The following COP1 variants were observed in gnomAD, a reference collection of about 807,000 sequenced individuals.
The protein encoded by COP1 is COP1 E3 ubiquitin ligase.
Under a neutral mutation model 101.3 loss-of-function variants are expected in COP1, and 24 were observed. The observed-to-expected ratio is 0.24, with a 90% CI of 0.17 to 0.33. The LOEUF (loss-of-function observed/expected upper bound fraction) is 0.33, where lower values mean the gene tolerates loss of function less well. Among genes scored for constraint, COP1 ranks in the 10% least tolerant of loss-of-function variants. COP1 has a pLI of 1.00. For missense variants in COP1, 663 were observed against 906.2 expected (o/e 0.73, Z 3.45); for synonymous variants, 347 against 341.9 (o/e 1.01, Z -0.17).
intron 3 of COP1, among the ~76,000 whole-genome samples, chr1:176,168,377 A>G (rs769421110): frequency 1.8e-4 from 27 of 148,020 alleles, no homozygotes; most frequent in South Asian, 8.8e-4. Flanking sequence ...ATATATAGAG[A>G]GAAAGGTAGA....
Position 176,136,523 on chromosome 1 carries a change from G to C in COP1, c.856C>G (p.Leu286Val). The C allele has an allele frequency of 6.2e-7, 1 of 1,605,738 alleles. No individual in the cohort carries two copies. The highest frequency in any genetic ancestry group is 8.5e-7 in the Non-Finnish European group (1 of 1,175,182). The change falls in exon 7 of 20, where the codon CTA (leucine) becomes GTA (valine). Residue 286 changes from leucine (L) to valine (V), a missense_variant. Leu to Val is a conservative substitution (Grantham distance 32). Coordinates refer to ENST00000367669, the MANE Select transcript of COP1 (RefSeq NM_022457.7). Reference protein sequence around the residue: ...REQLEQIQKELSVLEEDIKRV... With the variant: ...REQLEQIQKEVSVLEEDIKRV... ...TTAATATCCTCTTCCAAAACACTTAGCTCCTTCTGGATCTGTTCCAGTTGC... is the reference window on the plus strand; with the variant it reads ...TTAATATCCTCTTCCAAAACACTTACCTCCTTCTGGATCTGTTCCAGTTGC...
chr1:176,181,319 G>A (rs552411931), intron 2 of COP1, among the ~76,000 whole-genome samples: 60 of 151,876 alleles, frequency 4.0e-4, no homozygotes, highest in African/African-American at 5.3e-4. Flanking sequence ...CAGAATTTAC[G>A]TTACTAGAAA....
At chr1:176,127,532 G>T (rs1401748468) in intron 8 of COP1, among the ~76,000 whole-genome samples, 1 of 150,932 alleles carries the variant, frequency 6.6e-6, no homozygotes, top group Non-Finnish European at 1.5e-5. Context: ...AGAACTTCCT[G>T]GGTCTTTTTA....
At chr1:175,972,609 C>T (rs1280340184) in intron 18 of COP1, among the ~76,000 whole-genome samples, 4 of 151,688 alleles carry the variant, frequency 2.6e-5, no homozygotes, top group South Asian at 2.1e-4. Flanking sequence ...GGATTACAGG[C>T]GCCCACGGCC....
At chr1:176,042,270 CA>C (rs35822380) in intron 14 of COP1, among the ~76,000 whole-genome samples, 32 of 88,010 alleles carry the variant, frequency 3.6e-4, no homozygotes, top group African/African-American at 9.6e-4. Flanking sequence ...AACTCTATCT[CA>C]AAAAAAAAAA....
At chr1:176,051,301 C>T (rs1334615065) in intron 11 of COP1, among the ~76,000 whole-genome samples, 1 of 152,098 alleles carries the variant, frequency 6.6e-6, no homozygotes, top group Non-Finnish European at 1.5e-5. Flanking sequence ...TTAAAAAAAA[C>T]ACATTACAGT....
At chr1:176,063,047 G>GT (rs34464104) in intron 11 of COP1, among the ~76,000 whole-genome samples, 31,795 of 90,312 alleles carry the variant, frequency 0.35, 7,981 homozygotes, top group East Asian at 0.49. Context: ...TTTTGAAAAT[G>GT]TTTTTTTTTT....
At chr1:176,067,861 G>A (rs1330966470) in intron 11 of COP1, among the ~76,000 whole-genome samples, 1 of 152,178 alleles carries the variant, frequency 6.6e-6, no homozygotes, top group Non-Finnish European at 1.5e-5. Context: ...TTTACCCCCA[G>A]ACACTGCTGT....
intron 18 of COP1, among the ~76,000 whole-genome samples, chr1:175,969,666 C>T (rs969254089): frequency 1.3e-5 from 2 of 152,116 alleles, no homozygotes; most frequent in Non-Finnish European, 2.9e-5. Flanking sequence ...TTCTGTGTCA[C>T]GTAAAACTTC....
intron 6 of COP1, among the ~76,000 whole-genome samples, chr1:176,148,803 G>A (rs1294177189): frequency 6.6e-6 from 1 of 151,956 alleles, no homozygotes; most frequent in Non-Finnish European, 1.5e-5. Context: ...TAACTTTTCA[G>A]CACATCTCCA....
At position 175,986,932 on chromosome 1, in the gene COP1, T is replaced by G. The variant is rs777097148; in HGVS notation, c.2133+11A>C. 13 of 1,567,576 alleles carry G rather than the reference T, an allele frequency of 8.3e-6. No individual in the cohort carries two copies. The highest frequency in any genetic ancestry group is 2.1e-5 in the Admixed American group (1 of 48,492). ...AGATCCCAAGGTGAAAAAACTGATA[T>G]GAAAACTTACCCCATCTGGTAGTGC... On this transcript the variant is annotated intron_variant, in intron 18 of 19. Coordinates refer to ENST00000367669, the MANE Select transcript of COP1 (RefSeq NM_022457.7).
chr1:175,979,755 AAATGGT>A (rs1309218776), intron 18 of COP1, among the ~76,000 whole-genome samples: 3 of 152,180 alleles, frequency 2.0e-5, no homozygotes, highest in African/African-American at 7.2e-5. Flanking sequence ...TGCTTTTCTT[AAATGGT>A]AATTGATTAT....
At chr1:175,982,490 TAATA>T in intron 18 of COP1, 1 of 419,106 alleles carries the variant, frequency 2.4e-6, no homozygotes, top group Non-Finnish European at 4.7e-6. Context: ...TCACTTCATT[TAATA>T]AACAGTAAAT....
In COP1 at chr1:176,141,935, T is replaced by C. The variant is rs141290680; in HGVS notation, c.832-5388A>G. Among the ~76,000 whole-genome samples the C allele has an allele frequency of 7.8e-3, 1,181 of 152,158 alleles. 13 individuals carry two copies. The highest frequency in any genetic ancestry group is 0.027 in the African/African-American group (1,119 of 41,520). On this transcript the variant is annotated intron_variant, in intron 6 of 19. Transcript: ENST00000367669. Reference sequence around the variant, plus strand: ...TGTTTGTAGAGACAAAGTCTCACTATATTGTCCAGGCTGGTCTTGAACTCC... The same window carrying C: ...TGTTTGTAGAGACAAAGTCTCACTACATTGTCCAGGCTGGTCTTGAACTCC...
intron 11 of COP1, among the ~76,000 whole-genome samples, chr1:176,055,978 G>A (rs2149261904): frequency 6.6e-6 from 1 of 152,028 alleles, no homozygotes; most frequent in South Asian, 2.1e-4. Context: ...TTAGAGTAAG[G>A]AGTTTTATTC....
intron 5 of COP1, among the ~76,000 whole-genome samples, chr1:176,151,353 AAAAGAAAGAAAGAAAGAAAGAAAGAAAG>A (rs200187869): frequency 0.019 from 2,223 of 116,088 alleles, 47 homozygotes; most frequent in South Asian, 0.054. Flanking sequence ...GAAAGAAAGA[AAAAGAAAGAAAGAAAGAAAGAAAGAAAG>A]AAAGAAAGAA....
At chr1:176,055,115 TTCC>T (rs1167742059) in intron 11 of COP1, among the ~76,000 whole-genome samples, 1 of 152,218 alleles carries the variant, frequency 6.6e-6, no homozygotes, top group East Asian at 1.9e-4. Flanking sequence ...ACTTTGGTCA[TTCC>T]TCCTCATCTT....
intron 18 of COP1, among the ~76,000 whole-genome samples, chr1:175,984,313 G>A (rs1228828076): frequency 2.6e-5 from 4 of 152,194 alleles, no homozygotes; most frequent in African/African-American, 7.2e-5. Flanking sequence ...CAGAGAACTC[G>A]AGCCATGGCT....
rs1428688767 is a variant in COP1, at chr1:175,988,322, T to C, written c.1938A>G (p.Val646=). 2 of 1,612,500 alleles carry C rather than the reference T, an allele frequency of 1.2e-6. No individual in the cohort carries two copies. The highest frequency in any genetic ancestry group is 2.7e-5 in the African/African-American group (2 of 75,052). The change falls in exon 17 of 20, where the codon GTA becomes GTG. Residue 646 remains valine (V), a synonymous_variant. Coordinates refer to ENST00000367669, the MANE Select transcript of COP1 (RefSeq NM_022457.7). ...TATAATCTCCATTGGAAGCCAGGCC[T>C]ACAAAGTTTTTTTCATTGATATGAC... ...FKGHINEKNF[V]GLASNGDYIA...
Sources: gnomAD v4.1 joint callset for allele counts (sites outside exome capture counted in the v4.1 genomes callset) on GRCh38, gnomAD v4.1.1 for gene constraint, MANE v1.5 for transcripts, NCBI Gene and HGNC (gene_info 2026-07-23, HGNC 2026-07-21) for gene names.